Variants in SPA17 observed in about 807,000 individuals in gnomAD.
The protein encoded by SPA17 is sperm autoantigenic protein 17, also known as sperm surface protein Sp17.
In SPA17, 7 loss-of-function variants were observed where a neutral mutation model predicts 13.8. That is an observed-to-expected ratio of 0.51 (90% CI 0.29 to 0.95). The LOEUF (loss-of-function observed/expected upper bound fraction) is 0.95. SPA17 is among the 40% of genes least tolerant of loss of function. The pLI, the probability that SPA17 is intolerant of heterozygous loss-of-function variation, is 0.08. For synonymous variants in SPA17, 61 were observed against 59.0 expected (o/e 1.03, Z -0.16); for missense variants, 170 against 179.3 (o/e 0.95, Z 0.30).
At chr11:124,692,258 G>T (rs113490438) in intron 4 of SPA17, among the ~76,000 whole-genome samples, 1 of 152,090 alleles carries the variant, frequency 6.6e-6, no homozygotes, top group African/African-American at 2.4e-5. Flanking sequence ...AAATGCCTTC[G>T]TGCCTGATGT....
In SPA17 at chr11:124,694,351, A is replaced by C. The variant is rs780402149; in HGVS notation, c.361A>C (p.Ile121Leu). The change falls in exon 5 of 5, where the codon ATC becomes CTC. Residue 121 changes from isoleucine (I) to leucine (L), a missense_variant. Ile to Leu is a conservative substitution (Grantham distance 5). Transcript: ENST00000227135. The stretch of plus-strand genomic sequence containing the variant: ...AAAAGAAGAGGTTGCTGCTGTCAAA[A>C]TCCAAGCTGCCTTCCGGGGACACAT... ...KEKEEVAAVK[I>L]QAAFRGHIAR... 1 of 1,614,012 alleles carries C rather than the reference A, an allele frequency of 6.2e-7. No homozygotes were observed. The highest frequency in any genetic ancestry group is 1.3e-5 in the African/African-American group (1 of 74,934).
chr11:124,676,915 C>A (rs1176893478), intron 2 of SPA17, among the ~76,000 whole-genome samples: 3 of 152,096 alleles, frequency 2.0e-5, no homozygotes, highest in Non-Finnish European at 4.4e-5. Flanking sequence ...GGGGAAAAAA[C>A]TAAAATTATT....
chr11:124,689,822 G>C (rs1943609369), intron 3 of SPA17, among the ~76,000 whole-genome samples: 1 of 151,814 alleles, frequency 6.6e-6, no homozygotes. Flanking sequence ...AGATTTTTTA[G>C]AAGAAGACAT....
chr11:124,674,539 C>T (rs2134402416), intron 1 of SPA17: 2 of 152,394 alleles, frequency 1.3e-5, no homozygotes, highest in Middle Eastern at 3.4e-3. Flanking sequence ...CAGCCCGCTG[C>T]TTAGCAGCTA....
chr11:124,677,065 C>T (rs1029096131), intron 2 of SPA17, among the ~76,000 whole-genome samples: 1 of 152,158 alleles, frequency 6.6e-6, no homozygotes, highest in African/African-American at 2.4e-5. Context: ...GTCATTGTTA[C>T]TGGATCACAA....
intron 4 of SPA17, among the ~76,000 whole-genome samples, chr11:124,692,587 GAAAA>G (rs377555848): frequency 0.019 from 2,782 of 150,136 alleles, 37 homozygotes; most frequent in Middle Eastern, 0.072. Context: ...CTCAAAAAAA[GAAAA>G]AAAAAGACAT....
At chr11:124,681,699 T>C (rs1263969629) in intron 3 of SPA17, among the ~76,000 whole-genome samples, 1 of 152,048 alleles carries the variant, frequency 6.6e-6, no homozygotes, top group Non-Finnish European at 1.5e-5. Flanking sequence ...TGTGCTGGGA[T>C]TTTTTGCTGA....
chr11:124,694,133 A>G (rs1242136016), intron 4 of SPA17, 170 bp from the exon 5 acceptor site: 1 of 689,798 alleles, frequency 1.4e-6, no homozygotes, highest in Non-Finnish European at 2.2e-6. Context: ...CTATTTTGGC[A>G]TTTGCCATTT....
Position 124,674,862 on chromosome 11 carries a change from A to T in SPA17, c.-27-376A>T, listed in dbSNP as rs565197189. On this transcript the variant is annotated intron_variant, in intron 1 of 4. Transcript: ENST00000227135. ...CTTTAAAAAAAAATAGACCTCAAAG[A>T]AGGTCTTCTCAGCAATTGACAATGA... is the stretch of plus-strand genomic sequence containing the variant. 15 of 153,930 alleles carry T rather than the reference A, an allele frequency of 9.7e-5. No homozygotes were observed. The South Asian group carries it at 3.0e-3, about 31-fold the overall frequency. The allele number at this position is 153,930 out of a possible 1,614,324, so 9.5% of individuals were successfully genotyped here.
At chr11:124,690,489 A>G (rs148191463) in intron 3 of SPA17, among the ~76,000 whole-genome samples, 4 of 152,202 alleles carry the variant, frequency 2.6e-5, no homozygotes, top group Admixed American at 6.5e-5. Context: ...GAGAAAGGAG[A>G]ATAATGAGAA....
chr11:124,688,950 C>T (rs576848834), intron 3 of SPA17, among the ~76,000 whole-genome samples: 9 of 152,158 alleles, frequency 5.9e-5, no homozygotes, highest in South Asian at 2.1e-4. Context: ...AGCATAGAAC[C>T]GGTATAAAAA....
At position 124,675,329 on chromosome 11, in the gene SPA17, GGCTGACACGCGAGATTCTGAGAGA is replaced by G; in HGVS notation, c.68_91del (p.Leu23_Glu30del). On this transcript the variant is annotated inframe_deletion, in exon 2 of 5. Transcript: ENST00000227135. Reference sequence around the variant, plus strand: ...CAAGGATTTGGGAATCTTCTTGAAGGGCTGACACGCGAGATTCTGAGAGAGCAACCGGACAATATACCAGCTTTT... The same window carrying G: ...CAAGGATTTGGGAATCTTCTTGAAGGGCAACCGGACAATATACCAGCTTTT... 1 of 1,614,150 alleles carries G rather than the reference GGCTGACACGCGAGATTCTGAGAGA, an allele frequency of 6.2e-7. No individual in the cohort carries two copies. Among genetic ancestry groups the G allele is most frequent in the East Asian group, 2.2e-5 (1 of 44,870 alleles).
Position 124,675,298 on chromosome 11 carries a change from A to C in SPA17, c.34A>C (p.Ile12Leu). Residue 12 changes from isoleucine to leucine, a missense_variant, in exon 2 of 5, where the codon ATT becomes CTT. Physicochemically the swap from Ile to Leu is conservative, Grantham distance 5. Coordinates refer to ENST00000227135, the MANE Select transcript of SPA17 (RefSeq NM_017425.4). Reference sequence around the variant, plus strand: ...TCCATTCTCCAACACCCACTACCGAATTCCACAAGGATTTGGGAATCTTCT... The same window carrying C: ...TCCATTCTCCAACACCCACTACCGACTTCCACAAGGATTTGGGAATCTTCT... Reference protein sequence around the residue: ...SIPFSNTHYRIPQGFGNLLEG... With the variant: ...SIPFSNTHYRLPQGFGNLLEG... The C allele has an allele frequency of 6.2e-7, 1 of 1,614,094 alleles. No homozygotes were observed. Among genetic ancestry groups the C allele is most frequent in the Non-Finnish European group, 8.5e-7 (1 of 1,179,994 alleles).
chr11:124,681,546 A>C, intron 3 of SPA17, 87 bp downstream of exon 3: 2 of 936,182 alleles, frequency 2.1e-6, no homozygotes, highest in Non-Finnish European at 3.0e-6. Flanking sequence ...GAATTGTGAG[A>C]ATTATGTGAG....
At chr11:124,685,708 T>C (rs962932152) in intron 3 of SPA17, among the ~76,000 whole-genome samples, 8 of 152,156 alleles carry the variant, frequency 5.3e-5, no homozygotes, top group Non-Finnish European at 7.4e-5. Flanking sequence ...GGGATCCCAC[T>C]TGTTGCCTCA....
chr11:124,694,231 T>C (rs1460032593), intron 4 of SPA17, 72 bp from the exon 5 acceptor site: 9 of 1,541,318 alleles, frequency 5.8e-6, no homozygotes, highest in Non-Finnish European at 7.9e-6. Context: ...TTAAATTTCA[T>C]CCATTTATTT....
intron 3 of SPA17, among the ~76,000 whole-genome samples, chr11:124,689,469 C>A (rs987725255): frequency 3.3e-5 from 5 of 152,014 alleles, no homozygotes; most frequent in Non-Finnish European, 5.9e-5. Context: ...TCAACAACAA[C>A]AAAAAATAAG....
Position 124,685,490 on chromosome 11 carries a change from G to A in SPA17, c.225+4031G>A, listed in dbSNP as rs1943569494. Among the ~76,000 whole-genome samples, 7 of 152,216 alleles carry A rather than the reference G, an allele frequency of 4.6e-5. No homozygotes were observed. The South Asian group carries it at 1.2e-3, about 27-fold the overall frequency. ...ACCTCTACTAGGGTAGTGCAGAAGG[G>A]GAATGTGAGGTCGGAGCCCACACAG... On this transcript the variant is annotated intron_variant, in intron 3 of 4. Transcript: ENST00000227135.
intron 3 of SPA17, among the ~76,000 whole-genome samples, chr11:124,690,552 C>T (rs533659338): frequency 2.4e-4 from 36 of 152,204 alleles, no homozygotes; most frequent in Admixed American, 1.4e-3. Flanking sequence ...CCCTAAAAGC[C>T]CTGACTTGAT....
Sources: allele counts gnomAD v4.1 joint callset (sites outside exome capture counted in the v4.1 genomes callset), GRCh38; gene constraint gnomAD v4.1.1; transcripts MANE v1.5; gene names NCBI Gene and HGNC (gene_info 2026-07-23, HGNC 2026-07-21).